CHMP7: variants seen among roughly 807,000 people sequenced by gnomAD.
CHMP7 encodes CHMP family, member 7.
CHMP7 carries 15 observed loss-of-function variants against 53.7 expected under a neutral mutation model. That is an observed-to-expected ratio of 0.28 (90% CI 0.19 to 0.43). The LOEUF (loss-of-function observed/expected upper bound fraction) is 0.43. Ranked by LOEUF, CHMP7 falls within the 20% of genes least tolerant of loss-of-function variation. The probability of loss-of-function intolerance (pLI) is 1.00; values close to 1 mark genes in which losing one functional copy is unlikely to be tolerated. For missense variants in CHMP7, 527 were observed against 569.4 expected (o/e 0.93, Z 0.76); for synonymous variants, 261 against 228.0 (o/e 1.14, Z -1.30).
At chr8:23,247,401 G>T (rs1001950319) in intron 2 of CHMP7, among the ~76,000 whole-genome samples, 1 of 152,184 alleles carries the variant, frequency 6.6e-6, no homozygotes, top group Non-Finnish European at 1.5e-5. Context: ...TAAAAAGCGG[G>T]CATTCGTGGG....
chr8:23,257,284 T>C (rs937486008), intron 5 of CHMP7, among the ~76,000 whole-genome samples: 21 of 151,702 alleles, frequency 1.4e-4, no homozygotes, highest in African/African-American at 5.1e-4. Flanking sequence ...TTTGTTGAGA[T>C]GGGGTCTCAC....
Position 23,261,936 on chromosome 8 carries a change from G to A in CHMP7, c.*1337G>A, listed in dbSNP as rs1802415023. 6.6e-6 allele frequency: 1 copy of A among 152,580 alleles called. No homozygotes were observed. The highest frequency in any genetic ancestry group is 2.1e-4 in the South Asian group (1 of 4,834). 9.5% of individuals were successfully genotyped at this position (152,580 alleles called of 1,614,324 possible). A position where few individuals can be genotyped will look rare whatever the true frequency, so the allele number is the denominator to read the frequency against. ...GGTAAACGGAAATGTTGGGGGTGAA[G>A]AGAAACAATCACTATTTTTTTCTTT... On this transcript the variant is annotated 3_prime_UTR_variant, in exon 11 of 11. Coordinates refer to ENST00000397677, the MANE Select transcript of CHMP7 (RefSeq NM_152272.5).
chr8:23,257,805 G>A (rs1297034297), intron 5 of CHMP7, among the ~76,000 whole-genome samples: 2 of 152,204 alleles, frequency 1.3e-5, no homozygotes, highest in Non-Finnish European at 2.9e-5. Context: ...GTCCCTGTGG[G>A]TTGAAAAAGC....
intron 3 of CHMP7, among the ~76,000 whole-genome samples, chr8:23,250,060 A>G (rs1467582350): frequency 1.3e-5 from 2 of 152,154 alleles, no homozygotes; most frequent in African/African-American, 4.8e-5. Context: ...CTGCTGGAGA[A>G]AATCGCCTGT....
intron 5 of CHMP7, among the ~76,000 whole-genome samples, chr8:23,256,993 T>C (rs544670938): frequency 5.9e-5 from 9 of 151,794 alleles, no homozygotes; most frequent in Non-Finnish European, 1.3e-4. Flanking sequence ...GGGGTTTCAC[T>C]GTGTTAGCCA....
At chr8:23,256,879 G>A (rs997934494) in intron 5 of CHMP7, among the ~76,000 whole-genome samples, 4 of 139,096 alleles carry the variant, frequency 2.9e-5, no homozygotes, top group African/African-American at 5.4e-5. Context: ...TGCAAGCTCC[G>A]CCTCCTGGGT....
chr8:23,258,920 G>T, intron 8 of CHMP7, 90 bp downstream of exon 8: 1 of 1,070,572 alleles, frequency 9.3e-7, no homozygotes, highest in South Asian at 1.3e-5. Flanking sequence ...AACGAAACCT[G>T]ACTTGTGACC....
intron 6 of CHMP7, 41 bp from the exon 7 acceptor site, chr8:23,258,289 C>G (rs772346256): frequency 6.2e-7 from 1 of 1,613,518 alleles, no homozygotes; most frequent in Non-Finnish European, 8.5e-7. Context: ...TGCCCTTTGG[C>G]TCGCCCAGTT....
At chr8:23,249,825 A>G (rs184144248) in intron 3 of CHMP7, among the ~76,000 whole-genome samples, 3 of 152,028 alleles carry the variant, frequency 2.0e-5, no homozygotes, top group Admixed American at 6.5e-5. Flanking sequence ...TCTGCTGCAC[A>G]TGCTCTTCTC....
At position 23,249,331 on chromosome 8, in the gene CHMP7, GATA is replaced by G; in HGVS notation, c.426_428del (p.Asn142del). On this transcript the variant is annotated inframe_deletion, in exon 3 of 11. Coordinates refer to ENST00000397677, the MANE Select transcript of CHMP7 (RefSeq NM_152272.5). ...GTGGACTCTTTCTAACATGCTGGGA[GATA>G]ATAAGGTTCCAGCTGAGGAGGTCCT... 1 of 1,612,628 alleles carries G rather than the reference GATA, an allele frequency of 6.2e-7. No individual in the cohort carries two copies. Among genetic ancestry groups the G allele is most frequent in the Non-Finnish European group, 8.5e-7 (1 of 1,179,416 alleles).
At chr8:23,257,934 T>A in intron 5 of CHMP7, 99 bp from the exon 6 acceptor site, 1 of 805,514 alleles carries the variant, frequency 1.2e-6, no homozygotes. Flanking sequence ...GTCTTCAGAT[T>A]TAAAACCACC....
chr8:23,260,930 C>T lies in CHMP7; in HGVS notation c.*331C>T, dbSNP rs12155720. On this transcript the variant is annotated 3_prime_UTR_variant, in exon 11 of 11. Coordinates refer to ENST00000397677, the MANE Select transcript of CHMP7 (RefSeq NM_152272.5). ...TCTTCACCCACCAGCTTCGTTCCAG[C>T]CCATGAAGGGGAAAGATTTGCAGCT... 10,099 of 348,102 alleles carry T rather than the reference C, an allele frequency of 0.029. 182 individuals carry two copies. Among genetic ancestry groups the T allele is most frequent in the Non-Finnish European group, 0.041 (7,738 of 190,344 alleles). 21.6% of individuals were successfully genotyped at this position (348,102 alleles called of 1,614,324 possible).
chr8:23,252,687 A>G (rs1409275952), intron 3 of CHMP7, among the ~76,000 whole-genome samples: 2 of 152,198 alleles, frequency 1.3e-5, no homozygotes, highest in Non-Finnish European at 2.9e-5. Context: ...ATTGAATTTC[A>G]GGTCTTGTTT....
Position 23,260,264 on chromosome 8 carries a change from C to G in CHMP7, c.1241C>G (p.Pro414Arg). ...NRHFTNSVPN[P>R]RISDAELEAE... ...CATTTTACCAACAGCGTGCCTAACCCTAGGATCTCAGATGCTGAACTTGAA... is the reference window on the plus strand; with the variant it reads ...CATTTTACCAACAGCGTGCCTAACCGTAGGATCTCAGATGCTGAACTTGAA... Residue 414 changes from proline (P) to arginine (R), a missense_variant, in exon 10 of 11, where the codon CCT becomes CGT. Pro to Arg is a moderately radical substitution (Grantham distance 103). Coordinates refer to ENST00000397677, the MANE Select transcript of CHMP7 (RefSeq NM_152272.5). The G allele has an allele frequency of 6.2e-7, 1 of 1,614,194 alleles. No homozygotes were observed. Among genetic ancestry groups the G allele is most frequent in the East Asian group, 2.2e-5 (1 of 44,874 alleles).
At chr8:23,244,134 A>AAATAAT (rs1221948791) in intron 1 of CHMP7, among the ~76,000 whole-genome samples, 1 of 151,760 alleles carries the variant, frequency 6.6e-6, no homozygotes, top group African/African-American at 2.4e-5. Context: ...TTCAGAAAGC[A>AAATAAT]AATAATAATA....
At position 23,257,635 on chromosome 8, in the gene CHMP7, G is replaced by C. The variant is rs561450572; in HGVS notation, c.792-398G>C. Among the ~76,000 whole-genome samples the C allele has an allele frequency of 2.0e-5, 3 of 152,322 alleles. No homozygotes were observed. In the East Asian group the frequency reaches 5.8e-4, roughly 29 times the overall value. ...AATCCCTAATAAAGACACACCCTCT[G>C]GCAGGAGAACACAGACATTGAAGTC... On this transcript the variant is annotated intron_variant, in intron 5 of 10. Transcript: ENST00000397677.
At chr8:23,247,587 G>A (rs1419555101) in intron 2 of CHMP7, among the ~76,000 whole-genome samples, 1 of 152,156 alleles carries the variant, frequency 6.6e-6, no homozygotes, top group African/African-American at 2.4e-5. Flanking sequence ...TGCAGTTTTG[G>A]CGGTATCTGA....
chr8:23,252,122 A>C (rs984783080), intron 3 of CHMP7, among the ~76,000 whole-genome samples: 2 of 147,114 alleles, frequency 1.4e-5, no homozygotes, highest in African/African-American at 4.9e-5. Flanking sequence ...TTTTTCACCT[A>C]TGTACTAGCC....
At chr8:23,243,945 T>C (rs567644623) in intron 1 of CHMP7, 101 bp downstream of exon 1, 1 of 152,340 alleles carries the variant, frequency 6.6e-6, no homozygotes, top group East Asian at 1.9e-4. Context: ...TAGATCTTCT[T>C]TGGTGAGAGG....
Sources: allele counts gnomAD v4.1 joint callset (sites outside exome capture counted in the v4.1 genomes callset), GRCh38; gene constraint gnomAD v4.1.1; transcripts MANE v1.5; gene names NCBI Gene and HGNC (gene_info 2026-07-23, HGNC 2026-07-21).